The following LARGE1 variants were observed in gnomAD, a reference collection of about 807,000 sequenced individuals.
The protein encoded by LARGE1 is xylosyl- and glucuronyltransferase LARGE1.
LARGE1 carries 43 observed loss-of-function variants against 87.6 expected under a neutral mutation model. The ratio of observed to expected loss-of-function variants is 0.49; its 90% CI spans 0.38 to 0.63. The LOEUF (loss-of-function observed/expected upper bound fraction) is 0.63, where lower values mean the gene tolerates loss of function less well. LARGE1 is among the 30% of genes least tolerant of loss of function. LARGE1 has a pLI of 0.00. For missense variants in LARGE1, 802 were observed against 1,000.2 expected, an observed-to-expected ratio of 0.80 and a Z score of 2.67; for synonymous variants, 434 against 394.6, an observed-to-expected ratio of 1.10 and a Z score of -1.18.
intron 2 of LARGE1, among the ~76,000 whole-genome samples, chr22:33,712,565 G>A (rs763989799): frequency 2.6e-5 from 4 of 151,778 alleles, no homozygotes; most frequent in Non-Finnish European, 4.4e-5. Flanking sequence ...GTCAAGAGAC[G>A]AAAGAAATGG....
At position 33,604,386 on chromosome 22, in the gene LARGE1, C is replaced by T. The variant is rs375358580; in HGVS notation, c.615+49G>A. 77 of 1,612,848 alleles carry T rather than the reference C, an allele frequency of 4.8e-5. 1 individual carries two copies. The highest frequency in any genetic ancestry group is 3.6e-4 in the South Asian group (33 of 90,984). On this transcript the variant is annotated intron_variant, in intron 5 of 14. Transcript: ENST00000397394. ...CAGTCTGCTCAACCACAAGTAATAA[C>T]GCTTCCAGCTAGAGGAGATCACGGA... is the stretch of plus-strand genomic sequence containing the variant.
At chr22:33,382,523 GA>G (rs2065192468) in intron 8 of LARGE1, among the ~76,000 whole-genome samples, 1 of 152,130 alleles carries the variant, frequency 6.6e-6, no homozygotes, top group Non-Finnish European at 1.5e-5. Context: ...GCCTGCGGTG[GA>G]CTCAGTGATG....
At position 33,690,418 on chromosome 22, in the gene LARGE1, T is replaced by G. The variant is rs1334531401; in HGVS notation, c.107-39750A>C. Among the ~76,000 whole-genome samples the G allele has an allele frequency of 3.0e-4, 46 of 152,058 alleles. 1 individual carries two copies. Among genetic ancestry groups the G allele is most frequent in the Admixed American group, 3.0e-3 (46 of 15,266 alleles). On this transcript the variant is annotated intron_variant, in intron 2 of 14. Transcript: ENST00000397394. ...ACGTAACGGCTATAAAAGTTTGTCATTCAGCCCTCCCAGCAACCCCAGAAA... is the reference window on the plus strand; with the variant it reads ...ACGTAACGGCTATAAAAGTTTGTCAGTCAGCCCTCCCAGCAACCCCAGAAA...
chr22:33,651,244 T>TAAAAAAAAAAAAAAAAAAAAAAAAAA (rs2080800105), intron 2 of LARGE1, among the ~76,000 whole-genome samples: 1 of 43,254 alleles, frequency 2.3e-5, no homozygotes, highest in Non-Finnish European at 5.0e-5. Flanking sequence ...AAAAAAAAAT[T>TAAAAAAAAAAAAAAAAAAAAAAAAAA]AGCCGGGCTT....
At chr22:33,638,233 C>G (rs2080325848) in intron 3 of LARGE1, among the ~76,000 whole-genome samples, 1 of 152,204 alleles carries the variant, frequency 6.6e-6, no homozygotes. Context: ...CATTAAAATA[C>G]TGTAAGGTTA....
rs113847893 is a variant in LARGE1, at chr22:33,340,624, G to A, written c.1132-2823C>T. On this transcript the variant is annotated intron_variant, in intron 9 of 14. Transcript: ENST00000397394. Reference sequence around the variant, plus strand: ...GAACCCTCCATGGGACACCTGTGACGGGAAAGGGAAGCCTGTACTGAGTGG... The same window carrying A: ...GAACCCTCCATGGGACACCTGTGACAGGAAAGGGAAGCCTGTACTGAGTGG... Among the ~76,000 whole-genome samples, 9 of 151,968 alleles carry A rather than the reference G, an allele frequency of 5.9e-5. 1 individual carries two copies. The highest frequency in any genetic ancestry group is 1.5e-4 in the African/African-American group (6 of 41,230).
intron 5 of LARGE1, among the ~76,000 whole-genome samples, chr22:33,588,565 C>T (rs2078746934): frequency 6.6e-6 from 1 of 152,064 alleles, no homozygotes; most frequent in African/African-American, 2.4e-5. Context: ...CTTAAGTTGG[C>T]ATCACAGCAA....
chr22:33,834,694 G>C (rs2063065790), intron 1 of LARGE1, among the ~76,000 whole-genome samples: 1 of 152,198 alleles, frequency 6.6e-6, no homozygotes, highest in African/African-American at 2.4e-5. Flanking sequence ...AGTACCTTCG[G>C]CAATAACTGG....
chr22:33,081,665 C>T, the LARGE1 span, among the ~76,000 whole-genome samples: 1 of 152,168 alleles, frequency 6.6e-6, no homozygotes, highest in Non-Finnish European at 1.5e-5. Context: ...GAAAAGACCA[C>T]ATTCATATGA....
At chr22:33,519,011 C>T (rs1441790997) in intron 6 of LARGE1, among the ~76,000 whole-genome samples, 1 of 152,080 alleles carries the variant, frequency 6.6e-6, no homozygotes, top group Non-Finnish European at 1.5e-5. Flanking sequence ...TTACCTAAAA[C>T]AAGACAGCTA....
intron 2 of LARGE1, among the ~76,000 whole-genome samples, chr22:33,710,867 C>A (rs2267268): frequency 0.49 from 74,041 of 151,946 alleles, 18,353 homozygotes; most frequent in African/African-American, 0.56. Context: ...TTAGAGTACA[C>A]GATAAATGCT....
At chr22:33,136,324 T>G in the LARGE1 span, among the ~76,000 whole-genome samples, 2 of 152,126 alleles carry the variant, frequency 1.3e-5, no homozygotes, top group Admixed American at 1.3e-4. Context: ...GAAAGGCACA[T>G]CTTACATGGC....
chr22:33,607,784 G>A (rs1486869728), intron 4 of LARGE1, among the ~76,000 whole-genome samples: 1 of 152,188 alleles, frequency 6.6e-6, no homozygotes, highest in Non-Finnish European at 1.5e-5. Context: ...CATGTAACAG[G>A]TGCCTAAGGG....
chr22:33,847,277 T>C (rs1568982388), intron 1 of LARGE1, among the ~76,000 whole-genome samples: 1 of 152,236 alleles, frequency 6.6e-6, no homozygotes, highest in Non-Finnish European at 1.5e-5. Context: ...TTTGTGATGC[T>C]GGCAACCATG....
chr22:33,291,866 G>C (rs1340972480), intron 12 of LARGE1, among the ~76,000 whole-genome samples: 1 of 152,018 alleles, frequency 6.6e-6, no homozygotes, highest in Non-Finnish European at 1.5e-5. Flanking sequence ...GCCGAGGTTG[G>C]GGGATAACCT....
rs148684056 is a variant in LARGE1 at position 33,863,966 on chromosome 22, C to G, written c.-83+56029G>C. On this transcript the variant is annotated intron_variant, in intron 1 of 14. Coordinates refer to ENST00000397394, the MANE Select transcript of LARGE1 (RefSeq NM_133642.5). Reference sequence around the variant, plus strand: ...TCCCACATCTGTTAATCTGGCCTAACTAACGCCTCCCATGTTTCCAGGTGA... The same window carrying G: ...TCCCACATCTGTTAATCTGGCCTAAGTAACGCCTCCCATGTTTCCAGGTGA... 7.2e-5 allele frequency among the ~76,000 whole-genome samples: 11 copies of G among 152,272 alleles called. No homozygotes were observed. The East Asian group carries it at 2.1e-3, about 29-fold the overall frequency.
chr22:33,412,997 C>A (rs2066362230), intron 7 of LARGE1, among the ~76,000 whole-genome samples: 1 of 152,136 alleles, frequency 6.6e-6, no homozygotes, highest in Non-Finnish European at 1.5e-5. Flanking sequence ...ACAACTGGAT[C>A]CCATATTTCC....
chr22:33,503,263 T>G (rs1202535028), intron 6 of LARGE1, among the ~76,000 whole-genome samples: 1 of 150,846 alleles, frequency 6.6e-6, no homozygotes, highest in Non-Finnish European at 1.5e-5. Flanking sequence ...TTTTTTGTTT[T>G]TTTTTTTGTT....
chr22:33,612,805 A>T (rs937132619), intron 4 of LARGE1, among the ~76,000 whole-genome samples: 3 of 152,220 alleles, frequency 2.0e-5, no homozygotes, highest in Non-Finnish European at 4.4e-5. Context: ...AGCAAATAGA[A>T]GTTATAATTC....
Sources: allele counts gnomAD v4.1 joint callset (sites outside exome capture counted in the v4.1 genomes callset), GRCh38; gene constraint gnomAD v4.1.1; transcripts MANE v1.5; gene names NCBI Gene and HGNC (gene_info 2026-07-23, HGNC 2026-07-21).